ZBTB38: variants seen among roughly 807,000 people sequenced by gnomAD.
ZBTB38 encodes zinc finger and BTB domain containing 38.
A neutral mutation model predicts 76.8 loss-of-function variants in ZBTB38; 20 were observed. That is an observed-to-expected ratio of 0.26 (90% confidence interval 0.18 to 0.38). The LOEUF is 0.38. ZBTB38 is among the 10% of genes least tolerant of loss of function. The pLI, the probability that ZBTB38 is intolerant of heterozygous loss-of-function variation, is 1.00. For synonymous variants in ZBTB38, 504 were observed against 544.2 expected (o/e 0.93, Z 1.03); for missense variants, 1,082 against 1,482.3 (o/e 0.73, Z 4.43).
chr3:141,368,187 T>G (rs1198587265), upstream of ZBTB38: 1 of 152,470 alleles, frequency 6.6e-6, no homozygotes, highest in Non-Finnish European at 1.5e-5. Flanking sequence ...TCTTCTTCCC[T>G]GCTTCTCTGA....
chr3:141,354,835 G>C (rs999935272), intron 1 of ZBTB38, among the ~76,000 whole-genome samples: 6 of 151,978 alleles, frequency 3.9e-5, no homozygotes, highest in African/African-American at 1.5e-4. Flanking sequence ...TTCCTCAGGT[G>C]ATGGGCACTG....
At chr3:141,339,697 G>T (rs374181966) in intron 1 of ZBTB38, among the ~76,000 whole-genome samples, 1 of 152,210 alleles carries the variant, frequency 6.6e-6, no homozygotes, top group Non-Finnish European at 1.5e-5. Context: ...AAATTAGAAA[G>T]CCTGGCGTGG....
Position 141,444,551 on chromosome 3 carries a change from C to A in ZBTB38, c.2163C>A (p.Ser721Arg). 1 of 1,614,188 alleles carries A rather than the reference C, an allele frequency of 6.2e-7. No homozygotes were observed. Among genetic ancestry groups the A allele is most frequent in the Non-Finnish European group, 8.5e-7 (1 of 1,180,040 alleles). Residue 721 changes from serine to arginine, a missense_variant, in exon 6 of 6, where the codon AGC becomes AGA. By Grantham distance (110) the Ser-to-Arg change is moderately radical (BLOSUM62 -1). Coordinates refer to ENST00000321464, the MANE Select transcript of ZBTB38 (RefSeq NM_001376113.1). The surrounding 1 kb of genome is among the most constrained non-coding windows in gnomAD (Gnocchi z 5.1). ...CACCCTCGGTCATTGTACACAGCAG[C>A]CAGTTTTCATCGGTGATCATGCACA... ...GSAPSVIVHSSQFSSVIMHSN... is the reference protein window; with the variant it reads ...GSAPSVIVHSRQFSSVIMHSN...
At chr3:141,405,826 C>G (rs1369416752) in intron 5 of ZBTB38, 1 of 152,184 alleles carries the variant, frequency 6.6e-6, no homozygotes, top group Non-Finnish European at 1.5e-5. Flanking sequence ...CTCTCAGACT[C>G]TGTTGAGGAA....
intron 5 of ZBTB38, among the ~76,000 whole-genome samples, chr3:141,410,401 A>G (rs989548662): frequency 6.6e-6 from 1 of 152,216 alleles, no homozygotes; most frequent in Non-Finnish European, 1.5e-5. Context: ...ACCTCTTTGC[A>G]TTCCAGATAA....
intron 1 of ZBTB38, among the ~76,000 whole-genome samples, chr3:141,341,420 A>T (rs902808221): frequency 3.3e-5 from 5 of 152,266 alleles, no homozygotes; most frequent in African/African-American, 1.2e-4. Flanking sequence ...AAAAGTAGAA[A>T]TAAACCGAAC....
Position 141,449,490 on chromosome 3 carries a change from ACTC to A in ZBTB38, c.*3517_*3519del, listed in dbSNP as rs1360534736. 2.0e-5 allele frequency: 3 copies of A among 152,126 alleles called. No homozygotes were observed. The highest frequency in any genetic ancestry group is 7.2e-5 in the African/African-American group (3 of 41,418). The allele number at this position is 152,126 out of a possible 1,614,324, so 9.4% of individuals were successfully genotyped here. On this transcript the variant is annotated 3_prime_UTR_variant, in exon 6 of 6. Coordinates refer to ENST00000321464, the MANE Select transcript of ZBTB38 (RefSeq NM_001376113.1). ...AATACGTTCCGTCGTCACAGACTCT[ACTC>A]CTAAACTTAGCTAACTAACTATCTT...
chr3:141,427,684 C>T (rs1325429116), intron 5 of ZBTB38: 3 of 152,606 alleles, frequency 2.0e-5, no homozygotes, highest in Non-Finnish European at 4.4e-5. Flanking sequence ...GCCAGCTCTG[C>T]CCTTGGAGAC....
At chr3:141,340,376 A>G (rs1368524269) in intron 1 of ZBTB38, among the ~76,000 whole-genome samples, 1 of 152,218 alleles carries the variant, frequency 6.6e-6, no homozygotes, top group Non-Finnish European at 1.5e-5. Context: ...GAGAGATTCA[A>G]TTGAATTCAA....
chr3:141,360,373 A>C (rs1422018253), intron 1 of ZBTB38, among the ~76,000 whole-genome samples: 1 of 152,190 alleles, frequency 6.6e-6, no homozygotes, highest in East Asian at 1.9e-4. Flanking sequence ...TGAACGTCTT[A>C]AGCTTTGCCA....
At chr3:141,360,048 G>A (rs1943775066) in intron 1 of ZBTB38, among the ~76,000 whole-genome samples, 1 of 152,092 alleles carries the variant, frequency 6.6e-6, no homozygotes, top group Non-Finnish European at 1.5e-5. Flanking sequence ...CCTATAAAGT[G>A]CCCATAATAA....
At chr3:141,410,172 A>G (rs1485098104) in intron 5 of ZBTB38, among the ~76,000 whole-genome samples, 2 of 152,260 alleles carry the variant, frequency 1.3e-5, no homozygotes, top group East Asian at 1.9e-4. Context: ...AGGGGTCTCA[A>G]TGTAGTAGCT....
chr3:141,372,086 G>A (rs1013239333), intron 2 of ZBTB38, among the ~76,000 whole-genome samples: 2 of 152,220 alleles, frequency 1.3e-5, no homozygotes, highest in Non-Finnish European at 2.9e-5. Context: ...ATTGTCTGTT[G>A]TGTGGGGATA....
chr3:141,446,036 A>C lies in ZBTB38; in HGVS notation c.*60A>C, dbSNP rs2081068194. The C allele has an allele frequency of 2.8e-6, 4 of 1,426,602 alleles. No individual in the cohort carries two copies. In the South Asian group the frequency reaches 5.7e-5, roughly 20 times the overall value. 88.4% of individuals were successfully genotyped at this position (1,426,602 alleles called of 1,614,324 possible). A position where few individuals can be genotyped will look rare whatever the true frequency, so the allele number is the denominator to read the frequency against. ...TTGGTGGTTTTTTTAGTTATGATTT[A>C]AGTTTAGTTTCATTTTGTCCATGTG... On this transcript the variant is annotated 3_prime_UTR_variant, in exon 6 of 6. Transcript: ENST00000321464.
rs766757708 is a variant in ZBTB38 at position 141,442,433 on chromosome 3, C to T, written c.45C>T (p.His15=). ...CCAGGGACCTCAAGGACGACTTTCA[C>T]AGTGACACGGTACTCTCCATCTTAA... ...SLSRDLKDDF[H]SDTVLSILNE... The change falls in exon 6 of 6, where the codon CAC becomes CAT. Residue 15 remains histidine, a synonymous_variant. Coordinates refer to ENST00000321464, the MANE Select transcript of ZBTB38 (RefSeq NM_001376113.1). The surrounding 1 kb of genome is among the most constrained non-coding windows in gnomAD (Gnocchi z 6.4). 7.4e-6 allele frequency: 12 copies of T among 1,613,986 alleles called. No homozygotes were observed. The highest frequency in any genetic ancestry group is 1.0e-5 in the Non-Finnish European group (12 of 1,179,986).
At chr3:141,408,868 C>G (rs58473751) in intron 5 of ZBTB38, among the ~76,000 whole-genome samples, 30,461 of 152,046 alleles carry the variant, frequency 0.2, 4,372 homozygotes, top group African/African-American at 0.39. Context: ...CAGAGTTTCT[C>G]TCTCTATACC....
At chr3:141,340,348 T>C (rs998484569) in intron 1 of ZBTB38, among the ~76,000 whole-genome samples, 3 of 152,160 alleles carry the variant, frequency 2.0e-5, no homozygotes, top group African/African-American at 7.2e-5. Context: ...AATTAGAGAC[T>C]TTGCCTAAAA....
At chr3:141,375,985 A>T (rs1273913083) in intron 2 of ZBTB38, among the ~76,000 whole-genome samples, 1 of 152,198 alleles carries the variant, frequency 6.6e-6, no homozygotes, top group African/African-American at 2.4e-5. Context: ...TGGAAAAAAC[A>T]ATTATAGCAA....
At chr3:141,373,378 A>T (rs1944914299) in intron 2 of ZBTB38, among the ~76,000 whole-genome samples, 1 of 152,254 alleles carries the variant, frequency 6.6e-6, no homozygotes, top group South Asian at 2.1e-4. Flanking sequence ...TTGTTGAGCC[A>T]TGATGAGCAG....
Sources: allele counts gnomAD v4.1 joint callset (sites outside exome capture counted in the v4.1 genomes callset), GRCh38; gene constraint gnomAD v4.1.1; non-coding constraint Gnocchi (gnomAD v3.1); transcripts MANE v1.5; gene names NCBI Gene and HGNC (gene_info 2026-07-23, HGNC 2026-07-21).